Variants in BCAS3 observed in about 807,000 individuals in gnomAD.
BCAS3 encodes BCAS3 microtubule associated cell migration factor.
Under a neutral mutation model 116.1 loss-of-function variants are expected in BCAS3, and 53 were observed. That is an observed-to-expected ratio of 0.46 (90% CI 0.37 to 0.57). BCAS3 has a LOEUF of 0.57. Ranked by LOEUF, BCAS3 falls within the 20% of genes least tolerant of loss-of-function variation. BCAS3 has a pLI of 0.00. For synonymous variants in BCAS3, 391 were observed against 408.2 expected (o/e 0.96, Z 0.51); for missense variants, 917 against 1,165.4 (o/e 0.79, Z 3.10).
At chr17:60,931,462 C>T (rs760997814) in intron 13 of BCAS3, among the ~76,000 whole-genome samples, 10 of 151,930 alleles carry the variant, frequency 6.6e-5, no homozygotes, top group Non-Finnish European at 1.5e-4. Flanking sequence ...TTTTTAGTAG[C>T]GATGGCATTT....
intron 14 of BCAS3, 87 bp downstream of exon 14, chr17:60,947,439 A>G: frequency 3.7e-6 from 5 of 1,339,586 alleles, no homozygotes; most frequent in Non-Finnish European, 4.0e-6. Flanking sequence ...TTGCAGCTTA[A>G]TGTTGATGTT....
In BCAS3 at chr17:61,215,849, A is replaced by G. The variant is rs2144357027; in HGVS notation, c.2425+131285A>G. Among the ~76,000 whole-genome samples, 1 of 152,244 alleles carries G rather than the reference A, an allele frequency of 6.6e-6. No individual in the cohort carries two copies. The highest frequency in any genetic ancestry group is 2.1e-4 in the South Asian group (1 of 4,830). On this transcript the variant is annotated intron_variant, in intron 22 of 23. Coordinates refer to ENST00000407086, the MANE Select transcript of BCAS3 (RefSeq NM_017679.5). The surrounding 1 kb of genome is among the most constrained non-coding windows in gnomAD (Gnocchi z 4.8). ...TTGAAGTTGGAGCTTAGGCATCAGT[A>G]TTTTTCAGACTCCCTGAGTAATTCT...
rs181166470 is a variant in BCAS3 at position 61,281,996 on chromosome 17, G to A, written c.2426-86331G>A. 2.0e-3 allele frequency among the ~76,000 whole-genome samples: 303 copies of A among 152,236 alleles called. 2 individuals carry two copies. Among genetic ancestry groups the A allele is most frequent in the African/African-American group, 7.2e-3 (298 of 41,542 alleles). ...ATTTAGGCTGTTTCATGTAATGAGA[G>A]GAAGACTGAATTTGGATTCAGAAGA... is the stretch of plus-strand genomic sequence containing the variant. On this transcript the variant is annotated intron_variant, in intron 22 of 23. Transcript: ENST00000407086. This position sits in a 1 kb window ranked among gnomAD's most constrained non-coding sequence, Gnocchi z 4.2.
chr17:61,350,043 G>A (rs1366907111), intron 22 of BCAS3, among the ~76,000 whole-genome samples: 5 of 152,212 alleles, frequency 3.3e-5, no homozygotes, highest in Non-Finnish European at 7.3e-5. Context: ...ATTGCAGAGA[G>A]AAGGGACCTA....
Position 61,015,785 on chromosome 17 carries a change from T to C in BCAS3, c.1521T>C (p.Phe507=). ...KLNSQDSYNN[F]TNNNPGNPRL... ...ACAGCCAAGACTCCTATAACAATTT[T>C]ACCAACAACAACCCTGGCAACCCTC... Residue 507 remains phenylalanine (F), a synonymous_variant, in exon 16 of 24, where the codon TTT becomes TTC. Transcript: ENST00000407086. 1.2e-6 allele frequency: 2 copies of C among 1,614,014 alleles called. No homozygotes were observed. The highest frequency in any genetic ancestry group is 1.7e-6 in the Non-Finnish European group (2 of 1,179,946).
chr17:61,357,547 C>T (rs2058222085), intron 22 of BCAS3, among the ~76,000 whole-genome samples: 1 of 149,356 alleles, frequency 6.7e-6, no homozygotes, highest in African/African-American at 2.4e-5. Context: ...TGGGTTCAAG[C>T]AGTTCTCTGC....
intron 22 of BCAS3, among the ~76,000 whole-genome samples, chr17:61,264,022 A>G (rs2049454062): frequency 6.6e-6 from 1 of 152,224 alleles, no homozygotes; most frequent in African/African-American, 2.4e-5. Context: ...CGGGTAATTT[A>G]CAATGTCTAG....
At chr17:60,904,659 C>G (rs1364442782) in intron 11 of BCAS3, among the ~76,000 whole-genome samples, 1 of 152,126 alleles carries the variant, frequency 6.6e-6, no homozygotes, top group African/African-American at 2.4e-5. Flanking sequence ...TAGTGAGACC[C>G]TGTCTCTACA....
intron 22 of BCAS3, among the ~76,000 whole-genome samples, chr17:61,117,524 G>A (rs1467453547): frequency 6.6e-6 from 1 of 152,124 alleles, no homozygotes; most frequent in African/African-American, 2.4e-5. Context: ...TGAGCCCAGA[G>A]TTTGAGGCTG....
rs2078178500 is a variant in BCAS3, at chr17:61,161,732, C to G, written c.2425+77168C>G. Among the ~76,000 whole-genome samples the G allele has an allele frequency of 1.3e-5, 2 of 152,084 alleles. No homozygotes were observed. The highest frequency in any genetic ancestry group is 1.5e-5 in the Non-Finnish European group (1 of 68,018). On this transcript the variant is annotated intron_variant, in intron 22 of 23. Coordinates refer to ENST00000407086, the MANE Select transcript of BCAS3 (RefSeq NM_017679.5). The surrounding 1 kb of genome is among the most constrained non-coding windows in gnomAD (Gnocchi z 4.8). The stretch of plus-strand genomic sequence containing the variant: ...AGCGCCCCTCCCCTCAGCACACATA[C>G]CAGCCCCCGCAATTCCAGTTTCATG...
Position 61,259,406 on chromosome 17 carries a change from G to C in BCAS3, c.2426-108921G>C, listed in dbSNP as rs1015521837. ...TTGTTCCTTCTTGGAGTCCAGCTCTGACTTTAATAGCACAGTAACTGCCAG... is the reference window on the plus strand; with the variant it reads ...TTGTTCCTTCTTGGAGTCCAGCTCTCACTTTAATAGCACAGTAACTGCCAG... On this transcript the variant is annotated intron_variant, in intron 22 of 23. Coordinates refer to ENST00000407086, the MANE Select transcript of BCAS3 (RefSeq NM_017679.5). This position sits in a 1 kb window ranked among gnomAD's most constrained non-coding sequence, Gnocchi z 4.7. Among the ~76,000 whole-genome samples, 1 of 152,082 alleles carries C rather than the reference G, an allele frequency of 6.6e-6. No individual in the cohort carries two copies. The highest frequency in any genetic ancestry group is 1.5e-5 in the Non-Finnish European group (1 of 68,014).
chr17:61,054,174 C>G (rs16944779), intron 19 of BCAS3, among the ~76,000 whole-genome samples: 16,050 of 152,224 alleles, frequency 0.11, 2,578 homozygotes, highest in African/African-American at 0.35. Context: ...CAGACCTGTA[C>G]AATAGAGTTC....
chr17:61,068,683 C>T lies in BCAS3; in HGVS notation c.2030-6237C>T, dbSNP rs939764042. ...CAAGATTGAAGACATAAGTTTTCAC[C>T]GCCATTGGTCCCTAAAACTTCTTCT... is the stretch of plus-strand genomic sequence containing the variant. On this transcript the variant is annotated intron_variant, in intron 19 of 23. Transcript: ENST00000407086. The surrounding 1 kb of genome is among the most constrained non-coding windows in gnomAD (Gnocchi z 4.3). Among the ~76,000 whole-genome samples, 28 of 152,258 alleles carry T rather than the reference C, an allele frequency of 1.8e-4. No individual in the cohort carries two copies. The highest frequency in any genetic ancestry group is 5.2e-4 in the Admixed American group (8 of 15,288).
chr17:61,271,197 G>A (rs1056017673), intron 22 of BCAS3, among the ~76,000 whole-genome samples: 1 of 139,720 alleles, frequency 7.2e-6, no homozygotes, highest in African/African-American at 2.7e-5. Flanking sequence ...GCACCATCTC[G>A]GTTCACTGCA....
intron 16 of BCAS3, among the ~76,000 whole-genome samples, chr17:61,022,630 A>G (rs1296039610): frequency 6.6e-6 from 1 of 152,094 alleles, no homozygotes; most frequent in Non-Finnish European, 1.5e-5. Context: ...TTTTTGCCAC[A>G]TATAACAGAA....
chr17:60,830,095 G>A (rs1490086731), intron 7 of BCAS3, among the ~76,000 whole-genome samples: 8 of 152,148 alleles, frequency 5.3e-5, no homozygotes, highest in Non-Finnish European at 8.8e-5. Flanking sequence ...GGGTTCAAGC[G>A]ATTCTCCTGC....
At chr17:60,998,118 T>C (rs1373472712) in intron 15 of BCAS3, among the ~76,000 whole-genome samples, 1 of 152,228 alleles carries the variant, frequency 6.6e-6, no homozygotes, top group East Asian at 1.9e-4. Context: ...GTTTCTGTGT[T>C]AATTTACTTA....
chr17:61,158,721 G>A (rs1182674752), intron 22 of BCAS3, among the ~76,000 whole-genome samples: 2 of 152,116 alleles, frequency 1.3e-5, no homozygotes, highest in Non-Finnish European at 2.9e-5. Flanking sequence ...AGGCAGCTCC[G>A]ATAAAGGAAT....
chr17:61,352,142 G>T lies in BCAS3; in HGVS notation c.2426-16185G>T, dbSNP rs79390380. Among the ~76,000 whole-genome samples, 3 of 152,184 alleles carry T rather than the reference G, an allele frequency of 2.0e-5. No individual in the cohort carries two copies. In the East Asian group the frequency reaches 5.8e-4, roughly 29 times the overall value. On this transcript the variant is annotated intron_variant, in intron 22 of 23. Transcript: ENST00000407086. This position sits in a 1 kb window ranked among gnomAD's most constrained non-coding sequence, Gnocchi z 4.7. The stretch of plus-strand genomic sequence containing the variant: ...GAAACAGTGAGAAATTAATTCCTTC[G>T]TTCAGCTGTTAGCCCTAACTCAGAG...
Sources: gnomAD v4.1 joint callset for allele counts (sites outside exome capture counted in the v4.1 genomes callset) on GRCh38, gnomAD v4.1.1 for gene constraint, Gnocchi (gnomAD v3.1) non-coding constraint, MANE v1.5 for transcripts, NCBI Gene and HGNC (gene_info 2026-07-23, HGNC 2026-07-21) for gene names.